The following SPATS2L variants were observed in gnomAD, a reference collection of about 807,000 sequenced individuals.
The protein encoded by SPATS2L is spermatogenesis associated serine rich 2 like, also known as SPATS2-like protein.
In SPATS2L, 30 loss-of-function variants were observed where a neutral mutation model predicts 59.6. The ratio of observed to expected loss-of-function variants is 0.50; its 90% confidence interval spans 0.38 to 0.68. The LOEUF is 0.68. Ranked by LOEUF, SPATS2L falls within the 30% of genes least tolerant of loss-of-function variation. The pLI is 0.00. For missense variants in SPATS2L, 615 were observed against 700.0 expected, an observed-to-expected ratio of 0.88 and a Z score of 1.37; for synonymous variants, 252 against 263.5, an observed-to-expected ratio of 0.96 and a Z score of 0.42.
Position 200,472,967 on chromosome 2 carries a change from A to G in SPATS2L, c.1196A>G (p.Glu399Gly), listed in dbSNP as rs535846404. ...RKSSTHNKPSEGKAANPKMVS... is the reference protein window; with the variant it reads ...RKSSTHNKPSGGKAANPKMVS... ...TCATCCACTCACAATAAGCCCTCTG[A>G]AGGCAAAGCGGCAAACCCCAAAATG... Residue 399 changes from glutamate (E) to glycine (G), a missense_variant, in exon 12 of 13, where the codon GAA becomes GGA. This residue lies in a region of SPATS2L where 284 missense variants were observed against 280.1 expected (regional missense o/e 1.01). Coordinates refer to ENST00000409140, the MANE Select transcript of SPATS2L (RefSeq NM_001100423.2). 1.2e-6 allele frequency: 2 copies of G among 1,613,884 alleles called. No homozygotes were observed. Among genetic ancestry groups the G allele is most frequent in the South Asian group, 1.1e-5 (1 of 91,078 alleles).
At chr2:200,477,551 C>G (rs1317178857) in intron 12 of SPATS2L, 85 bp from the exon 13 acceptor site, 190 of 527,132 alleles carry the variant, frequency 3.6e-4, no homozygotes, top group Middle Eastern at 5.6e-4. Flanking sequence ...TTACCTGTGG[C>G]TTAGAGATTT....
At chr2:200,311,977 C>T (rs543416295) in intron 1 of SPATS2L, among the ~76,000 whole-genome samples, 4 of 152,296 alleles carry the variant, frequency 2.6e-5, no homozygotes, top group Middle Eastern at 3.4e-3. Flanking sequence ...GTTGACTTTA[C>T]ATCAGCACTC....
intron 2 of SPATS2L, among the ~76,000 whole-genome samples, chr2:200,363,841 A>T (rs781411771): frequency 6.6e-6 from 1 of 152,202 alleles, no homozygotes; most frequent in Admixed American, 6.5e-5. Context: ...CTCCACCTGC[A>T]TGGCTGGCAC....
chr2:200,406,672 C>A lies in SPATS2L; in HGVS notation c.40-5639C>A, dbSNP rs141320186. Among the ~76,000 whole-genome samples the A allele has an allele frequency of 1.9e-3, 294 of 152,284 alleles. 2 individuals are homozygous for A. Among genetic ancestry groups the A allele is most frequent in the African/African-American group, 6.8e-3 (281 of 41,556 alleles). On this transcript the variant is annotated intron_variant, in intron 3 of 12. Coordinates refer to ENST00000409140, the MANE Select transcript of SPATS2L (RefSeq NM_001100423.2). ...CATTGTCACTGTGTTCTGATTGCTT[C>A]CTTCATAGCACTCACTTAGCACAAG...
At chr2:200,421,446 T>C (rs959558397) in intron 6 of SPATS2L, among the ~76,000 whole-genome samples, 2 of 152,222 alleles carry the variant, frequency 1.3e-5, no homozygotes, top group South Asian at 2.1e-4. Context: ...CCAGAAGAGA[T>C]GGAGGTGCAA....
At chr2:200,419,710 A>AC (rs71405319) in intron 6 of SPATS2L, among the ~76,000 whole-genome samples, 3 of 131,690 alleles carry the variant, frequency 2.3e-5, no homozygotes, top group Non-Finnish European at 4.8e-5. Flanking sequence ...AAGTCAGAGG[A>AC]TTTTTTTTTT....
At chr2:200,440,923 C>A in intron 8 of SPATS2L, 139 bp downstream of exon 8, 1 of 773,468 alleles carries the variant, frequency 1.3e-6, no homozygotes, top group Non-Finnish European at 2.0e-6. Flanking sequence ...TTAAGCCCTG[C>A]AGGCAGTAGC....
intron 2 of SPATS2L, among the ~76,000 whole-genome samples, chr2:200,376,945 C>T (rs1172050330): frequency 1.3e-5 from 2 of 152,150 alleles, no homozygotes; most frequent in East Asian, 1.9e-4. Flanking sequence ...TTTCAAGGGC[C>T]GGCTCCGTTA....
chr2:200,469,853 C>A, intron 10 of SPATS2L, 61 bp from the exon 11 acceptor site: 1 of 1,334,412 alleles, frequency 7.5e-7, no homozygotes, highest in South Asian at 1.3e-5. Context: ...AACGCATCCA[C>A]GGGGGTGCCT....
chr2:200,441,461 A>G (rs1295469145), intron 8 of SPATS2L, among the ~76,000 whole-genome samples: 6 of 152,236 alleles, frequency 3.9e-5, no homozygotes, highest in African/African-American at 1.4e-4. Flanking sequence ...AAGTCACAGA[A>G]GTTAAAGACA....
intron 6 of SPATS2L, among the ~76,000 whole-genome samples, chr2:200,434,838 C>T (rs2084173688): frequency 1.3e-5 from 2 of 151,942 alleles, no homozygotes; most frequent in Admixed American, 6.6e-5. Context: ...TTGAAATAGG[C>T]AAATTGATTC....
At chr2:200,333,342 T>A (rs1471680399) in intron 2 of SPATS2L, among the ~76,000 whole-genome samples, 1 of 151,750 alleles carries the variant, frequency 6.6e-6, no homozygotes, top group Non-Finnish European at 1.5e-5. Context: ...AGTCTTTTTT[T>A]TTTTTTAGGT....
Position 200,478,208 on chromosome 2 carries a change from A to AAT in SPATS2L, c.*177_*178insAT. On this transcript the variant is annotated 3_prime_UTR_variant, in exon 13 of 13. Transcript: ENST00000409140. ...AGCTCTAGCTTGCTTCATAATTTTC[A>AAT]TGGCTTTGCTTGATCTGTTGATGCT... 1.7e-6 allele frequency: 1 copy of AAT among 577,068 alleles called. No individual in the cohort carries two copies. Among genetic ancestry groups the AAT allele is most frequent in the Non-Finnish European group, 2.7e-6 (1 of 371,336 alleles). 35.7% of individuals were successfully genotyped at this position (577,068 alleles called of 1,614,324 possible). A position where few individuals can be genotyped will look rare whatever the true frequency, so the allele number is the denominator to read the frequency against.
chr2:200,388,615 C>T (rs974372224), intron 2 of SPATS2L, among the ~76,000 whole-genome samples: 59 of 146,144 alleles, frequency 4.0e-4, no homozygotes, highest in East Asian at 1.2e-3. Context: ...TTGAGATGCC[C>T]CCCCCCCACC....
At chr2:200,376,603 C>T (rs909946985) in intron 2 of SPATS2L, among the ~76,000 whole-genome samples, 4 of 152,166 alleles carry the variant, frequency 2.6e-5, no homozygotes, top group African/African-American at 7.2e-5. Context: ...AATTTGGTCA[C>T]GAAAGCACTG....
intron 2 of SPATS2L, among the ~76,000 whole-genome samples, chr2:200,374,650 G>C (rs1349113100): frequency 6.6e-6 from 1 of 152,116 alleles, no homozygotes; most frequent in Non-Finnish European, 1.5e-5. Context: ...TCCACAGTTA[G>C]ATAATGAAAT....
At chr2:200,386,511 C>T (rs1477891591) in intron 2 of SPATS2L, among the ~76,000 whole-genome samples, 3 of 152,178 alleles carry the variant, frequency 2.0e-5, no homozygotes, top group African/African-American at 4.8e-5. Flanking sequence ...ATTGTCACCA[C>T]GTCTTCAGAT....
Position 200,467,283 on chromosome 2 carries a change from T to C in SPATS2L, c.848-7T>C. ...GCCCTAATGTATGACTCCTCCTTAT[T>C]TGGCAGTGGAAATCCTGACTGCTCG... On this transcript the variant is annotated splice_polypyrimidine_tract_variant and splice_region_variant and intron_variant, in intron 9 of 12. Transcript: ENST00000409140. The C allele has an allele frequency of 1.2e-6, 2 of 1,600,054 alleles. No homozygotes were observed. The highest frequency in any genetic ancestry group is 1.7e-6 in the Non-Finnish European group (2 of 1,167,244).
At chr2:200,358,751 G>A (rs1206701934) in intron 2 of SPATS2L, among the ~76,000 whole-genome samples, 1 of 152,132 alleles carries the variant, frequency 6.6e-6, no homozygotes, top group East Asian at 1.9e-4. Context: ...ACTTTGGGAG[G>A]TCAAGGCAGG....
Sources: allele counts gnomAD v4.1 joint callset (sites outside exome capture counted in the v4.1 genomes callset), GRCh38; gene constraint gnomAD v4.1.1; regional missense constraint gnomAD v4.1.1; transcripts MANE v1.5; gene names NCBI Gene and HGNC (gene_info 2026-07-23, HGNC 2026-07-21).